FSIP2: variants seen among roughly 807,000 people sequenced by gnomAD.
FSIP2 encodes fibrous sheath-interacting protein 2.
Under a neutral mutation model 510.5 loss-of-function variants are expected in FSIP2, and 367 were observed. That is an observed-to-expected ratio of 0.72 (90% confidence interval 0.66 to 0.78). The LOEUF is 0.78. FSIP2 is among the 30% of genes least tolerant of loss of function. The pLI, the probability that FSIP2 is intolerant of heterozygous loss-of-function variation, is 0.00. For synonymous variants in FSIP2, 2,601 were observed against 2,732.2 expected (o/e 0.95, Z 1.50); for missense variants, 7,594 against 7,901.7 (o/e 0.96, Z 1.48).
At position 185,799,713 on chromosome 2, in the gene FSIP2, G is replaced by T. The variant is rs1020158059; in HGVS notation, c.10407G>T (p.Lys3469Asn). The T allele has an allele frequency of 3.1e-5, 41 of 1,337,462 alleles. No homozygotes were observed. Among genetic ancestry groups the T allele is most frequent in the Non-Finnish European group, 3.7e-5 (38 of 1,013,362 alleles). 82.8% of individuals were successfully genotyped at this position (1,337,462 alleles called of 1,614,324 possible). Reference sequence around the variant, plus strand: ...TTTTTTAAGTTTTTAGTGAGGAAAAGATGTCTGTTTCTACATGGTCAAGGA... The same window carrying T: ...TTTTTTAAGTTTTTAGTGAGGAAAATATGTCTGTTTCTACATGGTCAAGGA... Reference protein sequence around the residue: ...NFETTVFSEEKMSVSTWSRKK... With the variant: ...NFETTVFSEENMSVSTWSRKK... Residue 3469 changes from lysine to asparagine, a missense_variant, in exon 17 of 23, where the codon AAG becomes AAT. Coordinates refer to ENST00000424728, the MANE Select transcript of FSIP2 (RefSeq NM_173651.4).
rs1692423474 is a variant in FSIP2, at chr2:185,764,547, A to G, written c.1393A>G (p.Ser465Gly). 2 of 1,528,178 alleles carry G rather than the reference A, an allele frequency of 1.3e-6. No individual in the cohort carries two copies. Among genetic ancestry groups the G allele is most frequent in the Non-Finnish European group, 1.8e-6 (2 of 1,140,568 alleles). 94.7% of individuals were successfully genotyped at this position (1,528,178 alleles called of 1,614,324 possible). ...GGATGGAAGACCAACCAAGAGATCAAGCTATCTCTGCGAATCAGGTAAATA... is the reference window on the plus strand; with the variant it reads ...GGATGGAAGACCAACCAAGAGATCAGGCTATCTCTGCGAATCAGGTAAATA... Reference protein sequence around the residue: ...DWDGRPTKRSSYLCESGPQAH... With the variant: ...DWDGRPTKRSGYLCESGPQAH... The change falls in exon 13 of 23, where the codon AGC becomes GGC. Residue 465 changes from serine (S) to glycine (G), a missense_variant. Physicochemically the swap from Ser to Gly is moderately conservative, Grantham distance 56. Coordinates refer to ENST00000424728, the MANE Select transcript of FSIP2 (RefSeq NM_173651.4).
At chr2:185,827,451 T>C (rs1337748198) in intron 20 of FSIP2, among the ~76,000 whole-genome samples, 1 of 151,898 alleles carries the variant, frequency 6.6e-6, no homozygotes, top group Non-Finnish European at 1.5e-5. Flanking sequence ...AGATGTTCAA[T>C]GTTCACACAG....
At chr2:185,739,153 T>G (rs1691867521) in intron 1 of FSIP2, 160 bp downstream of exon 1, 7 of 1,177,636 alleles carry the variant, frequency 5.9e-6, no homozygotes, top group Non-Finnish European at 8.1e-6. Context: ...TGGCTCGGAC[T>G]GTACCGGCCG....
At chr2:185,815,542 T>G in intron 19 of FSIP2, 71 bp downstream of exon 19, 111 of 605,974 alleles carry the variant, frequency 1.8e-4, no homozygotes, top group Non-Finnish European at 2.9e-4. Flanking sequence ...ATGGGGCCCC[T>G]GGCAAAACTG....
At chr2:185,768,476 T>A (rs1168725551) in intron 13 of FSIP2, among the ~76,000 whole-genome samples, 1 of 152,172 alleles carries the variant, frequency 6.6e-6, no homozygotes, top group African/African-American at 2.4e-5. Context: ...TTCTTCTGCC[T>A]GTGGACATAC....
At chr2:185,750,961 C>G (rs1692134816) in intron 7 of FSIP2, among the ~76,000 whole-genome samples, 1 of 151,276 alleles carries the variant, frequency 6.6e-6, no homozygotes, top group Non-Finnish European at 1.5e-5. Context: ...TTTTATTTCC[C>G]AAATCTTTTT....
rs1355202383 is a variant in FSIP2, at chr2:185,795,611, ACAG to A, written c.8477_8479del (p.Gln2826del). On this transcript the variant is annotated inframe_deletion, in exon 16 of 23. Coordinates refer to ENST00000424728, the MANE Select transcript of FSIP2 (RefSeq NM_173651.4). ...GTTTTTACTTGGAGAATGTTTCTTC[ACAG>A]CTAGAGCACATTTTTCCTAGAGAAG... The A allele has an allele frequency of 1.3e-6, 2 of 1,535,096 alleles. No individual in the cohort carries two copies. The highest frequency in any genetic ancestry group is 2.4e-5 in the South Asian group (2 of 84,034).
In FSIP2 at chr2:185,791,759, T is replaced by C; in HGVS notation, c.4623T>C (p.Val1541=). ...AKSTKIISSI[V]SRRVQEDNKE... is the part of the protein sequence containing the mutation. ...CCACCAAAATAATCTCCAGCATAGT[T>C]TCCAGAAGGGTTCAGGAGGACAATA... The change falls in exon 16 of 23, where the codon GTT becomes GTC. Residue 1541 remains valine, a synonymous_variant. Coordinates refer to ENST00000424728, the MANE Select transcript of FSIP2 (RefSeq NM_173651.4). 4 of 1,534,618 alleles carry C rather than the reference T, an allele frequency of 2.6e-6. No individual in the cohort carries two copies. In the African/African-American group the frequency reaches 5.5e-5, roughly 21 times the overall value.
At position 185,809,063 on chromosome 2, in the gene FSIP2, T is replaced by G; in HGVS notation, c.19757T>G (p.Leu6586Ter). 2 of 1,606,472 alleles carry G rather than the reference T, an allele frequency of 1.2e-6. No individual in the cohort carries two copies. The highest frequency in any genetic ancestry group is 1.7e-6 in the Non-Finnish European group (2 of 1,177,700). ...AATTACTCCTTAGGATCACCTGATT[T>G]AGAAAAGAGAAAGACAGAAAGACGT... The part of the protein sequence containing the change: ...GRNYSLGSPD[L>*]EKRKTERRTS... The change falls in exon 17 of 23, where the codon TTA becomes TGA. Residue 6586 changes from leucine (L) to a stop codon, truncating the protein, a stop_gained. Coordinates refer to ENST00000424728, the MANE Select transcript of FSIP2 (RefSeq NM_173651.4). LOFTEE classifies it high-confidence loss of function.
intron 7 of FSIP2, among the ~76,000 whole-genome samples, chr2:185,752,041 G>T (rs1692158938): frequency 6.7e-6 from 1 of 149,872 alleles, no homozygotes; most frequent in Admixed American, 6.7e-5. Flanking sequence ...TTCTTTTTTT[G>T]TATACCCATA....
intron 20 of FSIP2, among the ~76,000 whole-genome samples, chr2:185,824,751 C>T (rs971676323): frequency 6.6e-5 from 10 of 151,672 alleles, no homozygotes; most frequent in Non-Finnish European, 1.2e-4. Context: ...GAAATATCTA[C>T]AAAATAGAGT....
Position 185,801,689 on chromosome 2 carries a change from C to A in FSIP2, c.12383C>A (p.Pro4128His), listed in dbSNP as rs919839521. 6.5e-7 allele frequency: 1 copy of A among 1,527,150 alleles called. No individual in the cohort carries two copies. Among genetic ancestry groups the A allele is most frequent in the East Asian group, 2.4e-5 (1 of 40,820 alleles). 94.6% of individuals were successfully genotyped at this position (1,527,150 alleles called of 1,614,324 possible). ...QSNLTEFTSL[P>H]RSSSDYSTML... ...AACCTAACAGAATTTACTTCTCTAC[C>A]CAGGTCTTCATCAGACTATAGTACC... Residue 4128 changes from proline (P) to histidine (H), a missense_variant, in exon 17 of 23, where the codon CCC becomes CAC. Coordinates refer to ENST00000424728, the MANE Select transcript of FSIP2 (RefSeq NM_173651.4).
chr2:185,802,414 G>A lies in FSIP2; in HGVS notation c.13108G>A (p.Val4370Met), dbSNP rs1316021763. The A allele has an allele frequency of 6.5e-7, 1 of 1,533,752 alleles. No individual in the cohort carries two copies. Among genetic ancestry groups the A allele is most frequent in the South Asian group, 1.2e-5 (1 of 83,956 alleles). Residue 4370 changes from valine to methionine, a missense_variant, in exon 17 of 23, where the codon GTG becomes ATG. Val to Met is a conservative substitution (Grantham distance 21, BLOSUM62 1). Coordinates refer to ENST00000424728, the MANE Select transcript of FSIP2 (RefSeq NM_173651.4). ...TTTCTTTTCTTTCAATACAGATATT[G>A]TGGATGAACTTGCCACCTCAGTTTA... ...QAFFSFNTDI[V>M]DELATSVYRN...
rs1185572970 is a variant in FSIP2 at position 185,794,853 on chromosome 2, C to A, written c.7717C>A (p.His2573Asn). 1 of 1,532,198 alleles carries A rather than the reference C, an allele frequency of 6.5e-7. No homozygotes were observed. The highest frequency in any genetic ancestry group is 1.2e-5 in the South Asian group (1 of 83,614). The allele number at this position is 1,532,198 out of a possible 1,614,324, so 94.9% of individuals were successfully genotyped here. A position where few individuals can be genotyped will look rare whatever the true frequency, so the allele number is the denominator to read the frequency against. Reference protein sequence around the residue: ...KSRTEVEISDHNDSLLMKPLR... With the variant: ...KSRTEVEISDNNDSLLMKPLR... ...TAGGACAGAAGTTGAAATATCTGAC[C>A]ACAATGATTCCTTACTAATGAAACC... Residue 2573 changes from histidine (H) to asparagine (N), a missense_variant, in exon 16 of 23, where the codon CAC becomes AAC. Transcript: ENST00000424728.
At chr2:185,827,707 T>C (rs560867195) in intron 20 of FSIP2, among the ~76,000 whole-genome samples, 1 of 152,012 alleles carries the variant, frequency 6.6e-6, no homozygotes, top group African/African-American at 2.4e-5. Flanking sequence ...AGTTACTATT[T>C]AATAATACCA....
intron 17 of FSIP2, among the ~76,000 whole-genome samples, chr2:185,811,144 T>G (rs529079681): frequency 1.3e-5 from 2 of 152,180 alleles, no homozygotes; most frequent in East Asian, 3.9e-4. Flanking sequence ...ATTTGGAATT[T>G]ATATTTCAAA....
In FSIP2 at chr2:185,795,638, A is replaced by G; in HGVS notation, c.8502A>G (p.Glu2834=). 1.3e-6 allele frequency: 2 copies of G among 1,534,586 alleles called. No individual in the cohort carries two copies. The highest frequency in any genetic ancestry group is 8.7e-7 in the Non-Finnish European group (1 of 1,145,878). The change falls in exon 16 of 23, where the codon GAA becomes GAG. Residue 2834 remains glutamate, a synonymous_variant. Transcript: ENST00000424728. ...AGCTAGAGCACATTTTTCCTAGAGA[A>G]GGTATATTTAAAAAATTGTTTGACA... ...SSQLEHIFPR[E]GIFKKLFDKW...
At chr2:185,764,023 A>C (rs185834695) in intron 12 of FSIP2, among the ~76,000 whole-genome samples, 2 of 151,594 alleles carry the variant, frequency 1.3e-5, no homozygotes, top group African/African-American at 4.8e-5. Context: ...ATAAAAAAAA[A>C]TTTTTTAACA....
At chr2:185,773,048 A>T (rs1039399957) in intron 13 of FSIP2, among the ~76,000 whole-genome samples, 2 of 151,684 alleles carry the variant, frequency 1.3e-5, no homozygotes, top group Non-Finnish European at 2.9e-5. Flanking sequence ...TTTAGTACAG[A>T]TGGGGTTTTG....
Sources: allele counts gnomAD v4.1 joint callset (sites outside exome capture counted in the v4.1 genomes callset), GRCh38; gene constraint gnomAD v4.1.1; transcripts MANE v1.5; gene names NCBI Gene and HGNC (gene_info 2026-07-23, HGNC 2026-07-21).